Variants in GLT8D2 observed in about 807,000 individuals in gnomAD.
GLT8D2 encodes glycosyltransferase 8 domain containing 2.
A neutral mutation model predicts 44.5 loss-of-function variants in GLT8D2; 45 were observed. That is an observed-to-expected ratio of 1.01 (90% CI 0.80 to 1.30). The LOEUF is 1.30. Among genes scored for constraint, GLT8D2 ranks in the 50% most tolerant of loss-of-function variants. GLT8D2 has a pLI of 0.00. For missense variants in GLT8D2, 400 were observed against 430.4 expected (o/e 0.93, Z 0.62); for synonymous variants, 156 against 157.2 (o/e 0.99, Z 0.06).
chr12:104,054,109 C>A (rs945423037), upstream of GLT8D2, among the ~76,000 whole-genome samples: 6 of 152,032 alleles, frequency 3.9e-5, no homozygotes, highest in Non-Finnish European at 8.8e-5. Context: ...ACACTAGATC[C>A]CCAGAATTTG....
chr12:104,027,162 G>A (rs1878685200), intron 1 of GLT8D2, among the ~76,000 whole-genome samples: 1 of 152,188 alleles, frequency 6.6e-6, no homozygotes, highest in Admixed American at 6.5e-5. Flanking sequence ...AGAGCTTTGA[G>A]TGCATGGCAA....
chr12:104,063,623 AGGCAGTAT>A (rs899152824), intron 1 of GLT8D2, among the ~76,000 whole-genome samples: 16 of 152,216 alleles, frequency 1.1e-4, no homozygotes, highest in Admixed American at 9.8e-4. Context: ...CTGCTATCAG[AGGCAGTAT>A]GGTATATGAT....
intron 4 of GLT8D2, among the ~76,000 whole-genome samples, chr12:104,005,943 C>T (rs1192093542): frequency 2.0e-5 from 3 of 152,114 alleles, no homozygotes; most frequent in Non-Finnish European, 4.4e-5. Context: ...CGTATGTTTA[C>T]TGCAGCACTA....
chr12:104,044,111 C>G (rs1349962076), intron 1 of GLT8D2, among the ~76,000 whole-genome samples: 1 of 152,146 alleles, frequency 6.6e-6, no homozygotes, highest in Non-Finnish European at 1.5e-5. Context: ...CATAAGGTAT[C>G]GCGTGATCAC....
At chr12:104,037,579 C>T (rs527501517) in intron 1 of GLT8D2, among the ~76,000 whole-genome samples, 3 of 152,260 alleles carry the variant, frequency 2.0e-5, no homozygotes, top group Admixed American at 1.3e-4. Context: ...CATACACCCT[C>T]CCAAGACTAT....
At chr12:104,001,676 G>C (rs1428930267) in intron 5 of GLT8D2, among the ~76,000 whole-genome samples, 1 of 146,214 alleles carries the variant, frequency 6.8e-6, no homozygotes, top group East Asian at 1.9e-4. Context: ...TAATAACACA[G>C]AAAAACTTTA....
chr12:104,002,060 C>T (rs2136295993), intron 5 of GLT8D2, among the ~76,000 whole-genome samples: 1 of 152,310 alleles, frequency 6.6e-6, no homozygotes, highest in South Asian at 2.1e-4. Context: ...ACAGCAGCCT[C>T]AAACTCCTGG....
intron 1 of GLT8D2, among the ~76,000 whole-genome samples, chr12:104,036,001 T>C (rs1879888638): frequency 6.6e-6 from 1 of 151,758 alleles, no homozygotes; most frequent in South Asian, 2.1e-4. Flanking sequence ...TAGAAGAGAG[T>C]GGGGGGCAAT....
intron 4 of GLT8D2, among the ~76,000 whole-genome samples, chr12:104,013,379 T>C (rs1364512730): frequency 6.6e-6 from 1 of 152,210 alleles, no homozygotes; most frequent in Non-Finnish European, 1.5e-5. Context: ...CTTGTATCAG[T>C]CATTTGTTCC....
At chr12:103,997,287 C>T (rs193057697) in intron 7 of GLT8D2, among the ~76,000 whole-genome samples, 164 bp downstream of exon 7, 42 of 152,312 alleles carry the variant, frequency 2.8e-4, no homozygotes, top group African/African-American at 9.6e-4. Context: ...TAAGTATCAA[C>T]CCGTTTCCAA....
intron 1 of GLT8D2, among the ~76,000 whole-genome samples, chr12:104,022,358 T>C (rs1372470203): frequency 6.6e-6 from 1 of 152,172 alleles, no homozygotes; most frequent in African/African-American, 2.4e-5. Flanking sequence ...GCTGGAGGAC[T>C]GTCAGGGACA....
intron 1 of GLT8D2, among the ~76,000 whole-genome samples, chr12:104,033,201 G>T (rs1879524294): frequency 6.6e-6 from 1 of 152,100 alleles, no homozygotes; most frequent in South Asian, 2.1e-4. Flanking sequence ...ATTCAGAATA[G>T]CCAAGATATG....
In GLT8D2 at chr12:104,033,679, C is replaced by T. The variant is rs116321274; in HGVS notation, c.-163-12188G>A. 8.8e-3 allele frequency among the ~76,000 whole-genome samples: 1,339 copies of T among 152,032 alleles called. 24 individuals are homozygous for T. The highest frequency in any genetic ancestry group is 0.03 in the African/African-American group (1,259 of 41,438). On this transcript the variant is annotated intron_variant, in intron 1 of 10. Coordinates refer to ENST00000360814, the MANE Select transcript of GLT8D2 (RefSeq NM_001384711.1). ...ACTGCACATACGCAAAAGGCAACTA[C>T]GTGAGGGTGATGGATTTGTTAATTA...
intron 1 of GLT8D2, among the ~76,000 whole-genome samples, chr12:104,039,530 C>A (rs1429921771): frequency 6.6e-6 from 1 of 152,174 alleles, no homozygotes. Flanking sequence ...ATGCAGCCAA[C>A]AGACACATGA....
At chr12:104,022,205 T>C (rs1367361891) in intron 1 of GLT8D2, among the ~76,000 whole-genome samples, 2 of 152,108 alleles carry the variant, frequency 1.3e-5, no homozygotes, top group Non-Finnish European at 2.9e-5. Context: ...CAGGGGATGG[T>C]CACTGTGGGA....
At chr12:104,003,397 G>T in intron 4 of GLT8D2, 91 bp from the exon 5 acceptor site, 3 of 1,100,654 alleles carry the variant, frequency 2.7e-6, no homozygotes, top group Non-Finnish European at 4.1e-6. Context: ...GGGGAAGATG[G>T]CATAGTGTGG....
intron 1 of GLT8D2, among the ~76,000 whole-genome samples, chr12:104,041,772 G>A (rs1439080030): frequency 2.0e-5 from 3 of 152,206 alleles, no homozygotes; most frequent in Non-Finnish European, 4.4e-5. Context: ...GGGGAAGGGA[G>A]GGGAAGACAC....
intron 4 of GLT8D2, among the ~76,000 whole-genome samples, chr12:104,012,108 A>G (rs1398755274): frequency 7.0e-6 from 1 of 142,540 alleles, no homozygotes; most frequent in Non-Finnish European, 1.5e-5. Context: ...AGGCAGAGGT[A>G]GTGGTGAGCC....
chr12:104,036,317 C>A (rs1879923966), intron 1 of GLT8D2, among the ~76,000 whole-genome samples: 1 of 152,134 alleles, frequency 6.6e-6, no homozygotes, highest in South Asian at 2.1e-4. Flanking sequence ...ACAATATTAA[C>A]CTTAAATGTA....
Sources: gnomAD v4.1 joint callset for allele counts (sites outside exome capture counted in the v4.1 genomes callset) on GRCh38, gnomAD v4.1.1 for gene constraint, MANE v1.5 for transcripts, NCBI Gene and HGNC (gene_info 2026-07-23, HGNC 2026-07-21) for gene names.